Variants in FAM184B observed in about 807,000 individuals in gnomAD.
FAM184B encodes the protein family with sequence similarity 184 member B, also known as protein FAM184B.
A neutral mutation model predicts 135.9 loss-of-function variants in FAM184B; 111 were observed. That is an observed-to-expected ratio of 0.82 (90% confidence interval 0.70 to 0.96). FAM184B has a LOEUF of 0.96. Among genes scored for constraint, FAM184B ranks in the 40% least tolerant of loss-of-function variants. FAM184B has a pLI of 0.00. For missense variants in FAM184B, 1,375 were observed against 1,323.9 expected, an observed-to-expected ratio of 1.04 and a Z score of -0.60; for synonymous variants, 552 against 524.8, an observed-to-expected ratio of 1.05 and a Z score of -0.71.
At position 17,709,363 on chromosome 4, in the gene FAM184B, G is replaced by T; in HGVS notation, c.423C>A (p.Ala141=). ...CCCTGGAGAGCGTGAGGACTCGCTCGGCGTGCTCTGCCTCCACCCTCAGCT... is the reference window on the plus strand; with the variant it reads ...CCCTGGAGAGCGTGAGGACTCGCTCTGCGTGCTCTGCCTCCACCCTCAGCT... The part of the protein sequence containing the change: ...ERELRVEAEH[A]ERVLTLSREM... Residue 141 remains alanine, a synonymous_variant, in exon 2 of 18, where the codon GCC becomes GCA. Coordinates refer to ENST00000265018, the MANE Select transcript of FAM184B (RefSeq NM_015688.2). The T allele has an allele frequency of 3.2e-6, 5 of 1,544,840 alleles. No homozygotes were observed. The highest frequency in any genetic ancestry group is 3.5e-6 in the Non-Finnish European group (4 of 1,142,522).
chr4:17,671,238 A>G (rs1165139334), intron 7 of FAM184B, among the ~76,000 whole-genome samples: 1 of 152,070 alleles, frequency 6.6e-6, no homozygotes, highest in African/African-American at 2.4e-5. Flanking sequence ...ACCAGCTTCA[A>G]CCAGAGGAGG....
intron 12 of FAM184B, among the ~76,000 whole-genome samples, chr4:17,644,949 CAG>C (rs537720672): frequency 6.6e-6 from 1 of 152,106 alleles, no homozygotes; most frequent in Non-Finnish European, 1.5e-5. Context: ...AACAGACAAA[CAG>C]AGAGCCAAAT....
chr4:17,667,861 G>A (rs531513159), intron 7 of FAM184B, among the ~76,000 whole-genome samples: 3 of 152,280 alleles, frequency 2.0e-5, no homozygotes, highest in East Asian at 1.9e-4. Flanking sequence ...TGATCTACTC[G>A]CTCACCTTAT....
chr4:17,708,695 A>G lies in FAM184B; in HGVS notation c.894+197T>C, dbSNP rs1560182096. Among the ~76,000 whole-genome samples, 13 of 51,884 alleles carry G rather than the reference A, an allele frequency of 2.5e-4. 1 individual carries two copies. Among genetic ancestry groups the G allele is most frequent in the African/African-American group, 9.3e-4 (11 of 11,782 alleles). 34.0% of individuals were successfully genotyped at this position (51,884 alleles called of 152,430 possible). A position where few individuals can be genotyped will look rare whatever the true frequency, so the allele number is the denominator to read the frequency against. On this transcript the variant is annotated intron_variant, in intron 2 of 17. Transcript: ENST00000265018. ...TATATATATATATATATATATATATATATATATATATATAGTGTCTGTGTG... is the reference window on the plus strand; with the variant it reads ...TATATATATATATATATATATATATGTATATATATATATAGTGTCTGTGTG...
At chr4:17,655,907 C>T (rs1715768605) in intron 10 of FAM184B, among the ~76,000 whole-genome samples, 1 of 152,180 alleles carries the variant, frequency 6.6e-6, no homozygotes, top group Admixed American at 6.5e-5. Flanking sequence ...TTCATACTAC[C>T]ATCTATCATT....
intron 12 of FAM184B, 97 bp downstream of exon 12, chr4:17,647,540 C>A: frequency 7.2e-7 from 1 of 1,397,894 alleles, no homozygotes; most frequent in Non-Finnish European, 9.6e-7. Flanking sequence ...TGAGCCACTG[C>A]ACTCAGCCTC....
At chr4:17,756,743 G>A (rs1474964436) in intron 1 of FAM184B, among the ~76,000 whole-genome samples, 1 of 152,076 alleles carries the variant, frequency 6.6e-6, no homozygotes, top group Non-Finnish European at 1.5e-5. Context: ...TGGACAACAT[G>A]GCAAAAACCT....
intron 13 of FAM184B, 66 bp from the exon 14 acceptor site, chr4:17,639,462 G>C: frequency 6.5e-7 from 1 of 1,527,014 alleles, no homozygotes; most frequent in South Asian, 1.2e-5. Context: ...GGGCTCTGGG[G>C]TTTATTTCCC....
At chr4:17,723,551 A>G (rs1717578288) in intron 1 of FAM184B, among the ~76,000 whole-genome samples, 1 of 152,158 alleles carries the variant, frequency 6.6e-6, no homozygotes, top group Non-Finnish European at 1.5e-5. Context: ...CACATCAGAA[A>G]TGGAAGGGCC....
At chr4:17,742,025 A>G (rs780178246) in intron 1 of FAM184B, among the ~76,000 whole-genome samples, 77 of 152,010 alleles carry the variant, frequency 5.1e-4, no homozygotes, top group Admixed American at 1.3e-3. Context: ...GCTGTACCAC[A>G]TTGTACCTAC....
At chr4:17,682,930 A>G (rs1221837858) in intron 7 of FAM184B, among the ~76,000 whole-genome samples, 5 of 152,180 alleles carry the variant, frequency 3.3e-5, no homozygotes, top group Admixed American at 2.6e-4. Flanking sequence ...GGAAGTTGTC[A>G]TTTAATATCC....
intron 1 of FAM184B, among the ~76,000 whole-genome samples, chr4:17,774,982 T>C (rs1381552834): frequency 6.7e-6 from 1 of 149,176 alleles, no homozygotes; most frequent in Non-Finnish European, 1.5e-5. Flanking sequence ...GAATAAGATA[T>C]TTTCCTTTTC....
intron 7 of FAM184B, among the ~76,000 whole-genome samples, chr4:17,668,185 A>T (rs1716095939): frequency 1.3e-5 from 2 of 152,168 alleles, no homozygotes; most frequent in African/African-American, 4.8e-5. Context: ...TCCTCAGTTC[A>T]CTTCTGTCCT....
At chr4:17,727,652 C>T (rs1306025910) in intron 1 of FAM184B, among the ~76,000 whole-genome samples, 1 of 152,060 alleles carries the variant, frequency 6.6e-6, no homozygotes. Context: ...CTTGTGAGAA[C>T]TCCTTCATTT....
At chr4:17,759,053 G>A (rs1400502565) in intron 1 of FAM184B, among the ~76,000 whole-genome samples, 2 of 152,160 alleles carry the variant, frequency 1.3e-5, no homozygotes, top group African/African-American at 4.8e-5. Context: ...TTGGCTTGGC[G>A]ATCCTGTCCT....
intron 1 of FAM184B, among the ~76,000 whole-genome samples, chr4:17,759,505 T>C (rs1276695417): frequency 6.8e-6 from 1 of 146,970 alleles, no homozygotes; most frequent in Non-Finnish European, 1.5e-5. Flanking sequence ...TTTTCTTTTT[T>C]CTTTTTTCTT....
intron 7 of FAM184B, among the ~76,000 whole-genome samples, chr4:17,671,702 C>T (rs755711322): frequency 2.1e-4 from 32 of 151,662 alleles, no homozygotes; most frequent in Non-Finnish European, 2.8e-4. Context: ...ATTTACCTGA[C>T]GGAGAATAAA....
rs368719783 is a variant in FAM184B at position 17,735,368 on chromosome 4, C to T, written c.142-25724G>A. 3.6e-3 allele frequency among the ~76,000 whole-genome samples: 543 copies of T among 151,536 alleles called. 14 individuals are homozygous for T. The highest frequency in any genetic ancestry group is 0.028 in the Admixed American group (428 of 15,220). On this transcript the variant is annotated intron_variant, in intron 1 of 17. Coordinates refer to ENST00000265018, the MANE Select transcript of FAM184B (RefSeq NM_015688.2). ...AAAATTAAATTAAAAAAAGAAAGTT[C>T]GATTATAAAAAAAATTTTCATTTTT... is the stretch of plus-strand genomic sequence containing the variant.
At chr4:17,764,381 G>A (rs577543477) in intron 1 of FAM184B, among the ~76,000 whole-genome samples, 3 of 152,318 alleles carry the variant, frequency 2.0e-5, no homozygotes, top group African/African-American at 7.2e-5. Context: ...TAATCTGGAA[G>A]GGCTCATCGA....
Sources: allele counts gnomAD v4.1 joint callset (sites outside exome capture counted in the v4.1 genomes callset), GRCh38; gene constraint gnomAD v4.1.1; transcripts MANE v1.5; gene names NCBI Gene and HGNC (gene_info 2026-07-23, HGNC 2026-07-21).